The following NFIX variants were observed in gnomAD, a reference collection of about 807,000 sequenced individuals.
NFIX encodes nuclear factor 1 X-type.
In NFIX, 2 loss-of-function variants were observed where a neutral mutation model predicts 53.3. The ratio of observed to expected loss-of-function variants is 0.04; its 90% CI spans 0.02 to 0.12. The LOEUF (loss-of-function observed/expected upper bound fraction) is 0.12. Among genes scored for constraint, NFIX ranks in the 10% least tolerant of loss-of-function variants. The pLI is 1.00. For synonymous variants in NFIX, 244 were observed against 289.0 expected (o/e 0.84, Z 1.58); for missense variants, 310 against 674.5 (o/e 0.46, Z 5.99).
chr19:13,012,337 T>G lies in NFIX; in HGVS notation c.28-12684T>G, dbSNP rs889906513. On this transcript the variant is annotated intron_variant, in intron 1 of 10. Coordinates refer to ENST00000592199, the MANE Select transcript of NFIX (RefSeq NM_001365902.3). This position sits in a 1 kb window ranked among gnomAD's most constrained non-coding sequence, Gnocchi z 5.0. ...CCGCCAGAGTCTTCTCAATGATCCC[T>G]CCCAGGCACCGTAGGCCCTCTAGTG... 1 of 151,938 alleles carries G rather than the reference T, an allele frequency of 6.6e-6. No homozygotes were observed. Among genetic ancestry groups the G allele is most frequent in the Non-Finnish European group, 1.5e-5 (1 of 68,008 alleles). The allele number at this position is 151,938 out of a possible 1,614,324, so 9.4% of individuals were successfully genotyped here.
chr19:13,080,259 T>G (rs2017379680), intron 7 of NFIX, among the ~76,000 whole-genome samples: 1 of 152,192 alleles, frequency 6.6e-6, no homozygotes, highest in African/African-American at 2.4e-5. Flanking sequence ...TTTTTGTTTG[T>G]TTTTCTTTTT....
chr19:13,035,951 A>G (rs1359593744), intron 2 of NFIX, among the ~76,000 whole-genome samples: 1 of 152,208 alleles, frequency 6.6e-6, no homozygotes, highest in African/African-American at 2.4e-5. Flanking sequence ...TGACAGTTTC[A>G]GCGTGTCATT....
intron 8 of NFIX, among the ~76,000 whole-genome samples, chr19:13,087,630 G>A (rs534113040): frequency 6.6e-6 from 1 of 152,126 alleles, no homozygotes; most frequent in East Asian, 1.9e-4. Flanking sequence ...TGTAGGAGAT[G>A]GTCTTCAGGA....
intron 1 of NFIX, among the ~76,000 whole-genome samples, chr19:13,008,846 C>T (rs1243560155): frequency 6.6e-6 from 1 of 152,176 alleles, no homozygotes; most frequent in Non-Finnish European, 1.5e-5. Flanking sequence ...TCCTCTGAGA[C>T]CCATCACCTC....
intron 1 of NFIX, among the ~76,000 whole-genome samples, chr19:13,003,373 C>A (rs140853781): frequency 6.6e-6 from 1 of 152,302 alleles, no homozygotes; most frequent in African/African-American, 2.4e-5. Context: ...GATCACATGC[C>A]ATGAAGCACA....
At chr19:13,026,879 C>A (rs927269029) in intron 2 of NFIX, among the ~76,000 whole-genome samples, 1 of 152,124 alleles carries the variant, frequency 6.6e-6, no homozygotes, top group African/African-American at 2.4e-5. Context: ...GTTGTTTCTC[C>A]GCGAGTGTGT....
chr19:13,064,059 C>A, intron 2 of NFIX, among the ~76,000 whole-genome samples: 1 of 99,282 alleles, frequency 1.0e-5, no homozygotes, highest in East Asian at 2.9e-4. Flanking sequence ...TCTGCAGGCC[C>A]CTTGCTGGGA....
intron 1 of NFIX, among the ~76,000 whole-genome samples, chr19:13,015,814 G>GCACACA (rs1392720794): frequency 2.7e-5 from 4 of 147,974 alleles, no homozygotes; most frequent in South Asian, 2.1e-4. Flanking sequence ...ACACACACAC[G>GCACACA]CACACGCACA....
chr19:13,000,120 G>A (rs1336980008), intron 1 of NFIX, among the ~76,000 whole-genome samples: 3 of 152,240 alleles, frequency 2.0e-5, no homozygotes, highest in African/African-American at 7.2e-5. Flanking sequence ...GGAGTCAAGG[G>A]CTAGGCTTTG....
rs1356604161 is a variant in NFIX, at chr19:13,011,540, CAG to C, written c.28-13480_28-13479del. Among the ~76,000 whole-genome samples the C allele has an allele frequency of 6.6e-6, 1 of 152,028 alleles. No homozygotes were observed. Among genetic ancestry groups the C allele is most frequent in the African/African-American group, 2.4e-5 (1 of 41,402 alleles). ...GGTTTTGGAGGGGTGGGAGCAGAGG[CAG>C]GGGGGTGTGCCGGGACTCCCCAGAC... On this transcript the variant is annotated intron_variant, in intron 1 of 10. Transcript: ENST00000592199. This position sits in a 1 kb window ranked among gnomAD's most constrained non-coding sequence, Gnocchi z 6.5.
Position 13,090,282 on chromosome 19 carries a change from T to C in NFIX, c.1403-17T>C. 1 of 1,613,378 alleles carries C rather than the reference T, an allele frequency of 6.2e-7. No homozygotes were observed. Among genetic ancestry groups the C allele is most frequent in the East Asian group, 2.2e-5 (1 of 44,870 alleles). Reference sequence around the variant, plus strand: ...AGGCCTGACAGGGTCTCTCCCTCTCTCCCCTGCTCCCCACAGCATTCGCAA... The same window carrying C: ...AGGCCTGACAGGGTCTCTCCCTCTCCCCCCTGCTCCCCACAGCATTCGCAA... On this transcript the variant is annotated splice_polypyrimidine_tract_variant and intron_variant, in intron 9 of 10. Transcript: ENST00000592199. This position sits in a 1 kb window ranked among gnomAD's most constrained non-coding sequence, Gnocchi z 6.6.
chr19:13,057,388 G>A (rs753658168), intron 2 of NFIX, among the ~76,000 whole-genome samples: 3 of 152,154 alleles, frequency 2.0e-5, no homozygotes, highest in South Asian at 2.1e-4. Context: ...GCGGAAAGCC[G>A]ACATTGTTTA....
chr19:13,074,054 C>T (rs373986979), intron 5 of NFIX, 28 bp downstream of exon 5: 31 of 1,613,032 alleles, frequency 1.9e-5, no homozygotes, highest in African/African-American at 1.2e-4. Context: ...GCCTTTCCAT[C>T]TTCTCTCCAC....
intron 2 of NFIX, among the ~76,000 whole-genome samples, chr19:13,029,267 A>G (rs1043464793): frequency 2.0e-5 from 3 of 152,244 alleles, no homozygotes; most frequent in Admixed American, 6.5e-5. Context: ...ACATCTCTAA[A>G]GATACGGACT....
rs1051990255 is a variant in NFIX, at chr19:13,028,746, G to A, written c.559+3194G>A. Among the ~76,000 whole-genome samples, 1 of 152,118 alleles carries A rather than the reference G, an allele frequency of 6.6e-6. No individual in the cohort carries two copies. Among genetic ancestry groups the A allele is most frequent in the African/African-American group, 2.4e-5 (1 of 41,422 alleles). ...CTGGTGATATCCTTCCATTCAAAGCGGGTATCCCAGAACAGGTGGCCAGGG... is the reference window on the plus strand; with the variant it reads ...CTGGTGATATCCTTCCATTCAAAGCAGGTATCCCAGAACAGGTGGCCAGGG... On this transcript the variant is annotated intron_variant, in intron 2 of 10. Transcript: ENST00000592199. This position sits in a 1 kb window ranked among gnomAD's most constrained non-coding sequence, Gnocchi z 4.2.
chr19:13,090,184 C>A lies in NFIX; in HGVS notation c.1403-115C>A. 1.0e-6 allele frequency: 1 copy of A among 991,584 alleles called. No homozygotes were observed. Among genetic ancestry groups the A allele is most frequent in the Non-Finnish European group, 1.6e-6 (1 of 627,292 alleles). 61.4% of individuals were successfully genotyped at this position (991,584 alleles called of 1,614,324 possible). On this transcript the variant is annotated intron_variant, in intron 9 of 10. Transcript: ENST00000592199. This position sits in a 1 kb window ranked among gnomAD's most constrained non-coding sequence, Gnocchi z 6.6. ...CCATCCTTCCCACTGCCAGCCTAAA[C>A]TCGGGCAGCATGGTCTAACTCAGTC...
rs568996713 is a variant in NFIX at position 13,093,987 on chromosome 19, A to T, written c.1495-648A>T. ...CCCTGCTGGCGATATGAAGGAAATG[A>T]CGCTCACCCCAGGGAGCCTCAAGTC... On this transcript the variant is annotated intron_variant, in intron 10 of 10. Coordinates refer to ENST00000592199, the MANE Select transcript of NFIX (RefSeq NM_001365902.3). The surrounding 1 kb of genome is among the most constrained non-coding windows in gnomAD (Gnocchi z 4.7). Among the ~76,000 whole-genome samples, 35 of 152,164 alleles carry T rather than the reference A, an allele frequency of 2.3e-4. No individual in the cohort carries two copies. Among genetic ancestry groups the T allele is most frequent in the Non-Finnish European group, 2.8e-4 (19 of 67,988 alleles).
chr19:12,995,791 TC>T lies in NFIX; in HGVS notation c.-43del. 1 of 922,354 alleles carries T rather than the reference TC, an allele frequency of 1.1e-6. No individual in the cohort carries two copies. The highest frequency in any genetic ancestry group is 1.3e-6 in the Non-Finnish European group (1 of 777,320). 57.1% of individuals were successfully genotyped at this position (922,354 alleles called of 1,614,324 possible). On this transcript the variant is annotated 5_prime_UTR_variant, in exon 1 of 11. Coordinates refer to ENST00000592199, the MANE Select transcript of NFIX (RefSeq NM_001365902.3). ...GAGCGCGGCCGCCGCCTGCCGGGCC[TC>T]CCCTCGCCGCGGCCGGCCGCCGCGC...
At position 13,001,450 on chromosome 19, in the gene NFIX, G is replaced by A. The variant is rs975307583; in HGVS notation, c.27+5586G>A. ...TCAGTGTGCCGGATGTAGTCTCTGT[G>A]TCACGGTGGCGCTGCGCACGTCAAC... On this transcript the variant is annotated intron_variant, in intron 1 of 10. Coordinates refer to ENST00000592199, the MANE Select transcript of NFIX (RefSeq NM_001365902.3). The surrounding 1 kb of genome is among the most constrained non-coding windows in gnomAD (Gnocchi z 6.5). 1.3e-5 allele frequency among the ~76,000 whole-genome samples: 2 copies of A among 152,058 alleles called. No individual in the cohort carries two copies. Among genetic ancestry groups the A allele is most frequent in the Non-Finnish European group, 2.9e-5 (2 of 68,018 alleles).
Sources: allele counts gnomAD v4.1 joint callset (sites outside exome capture counted in the v4.1 genomes callset), GRCh38; gene constraint gnomAD v4.1.1; non-coding constraint Gnocchi (gnomAD v3.1); transcripts MANE v1.5; gene names NCBI Gene and HGNC (gene_info 2026-07-23, HGNC 2026-07-21).